Variants in GPM6B observed in about 807,000 individuals in gnomAD.
GPM6B encodes the protein neuronal membrane glycoprotein M6-b.
GPM6B carries 4 observed loss-of-function variants against 27.2 expected under a neutral mutation model. The observed-to-expected ratio is 0.15, with a 90% CI of 0.07 to 0.34. The LOEUF is 0.34. Ranked by LOEUF, GPM6B falls within the 10% of genes least tolerant of loss-of-function variation. GPM6B has a pLI of 1.00. For synonymous variants in GPM6B, 124 were observed against 103.1 expected, an observed-to-expected ratio of 1.20 and a Z score of -1.23; for missense variants, 183 against 261.9, an observed-to-expected ratio of 0.70 and a Z score of 2.08.
At chrX:13,783,033 T>G (rs1334211642) in intron 4 of GPM6B, among the ~76,000 whole-genome samples, 1 of 112,304 alleles carries the variant, frequency 8.9e-6, no homozygotes, top group Non-Finnish European at 1.9e-5. Context: ...TGATCCATAT[T>G]TAAAGACAAC....
At chrX:13,856,359 CCATT>C (rs927573761) in intron 1 of GPM6B, among the ~76,000 whole-genome samples, 14 of 111,379 alleles carry the variant, frequency 1.3e-4, no homozygotes, top group Admixed American at 1.2e-3. Flanking sequence ...CAGAGCTTTC[CCATT>C]CAAAGTGTGG....
chrX:13,920,420 C>CA (rs1010692879), intron 1 of GPM6B, among the ~76,000 whole-genome samples: 64 of 110,354 alleles, frequency 5.8e-4, no homozygotes, highest in Non-Finnish European at 9.5e-4. Flanking sequence ...ATTAGAACCA[C>CA]AGGAAAATGC....
At chrX:13,824,778 G>C (rs1032144901) in intron 1 of GPM6B, among the ~76,000 whole-genome samples, 4 of 111,935 alleles carry the variant, frequency 3.6e-5, no homozygotes, top group African/African-American at 1.3e-4. Context: ...TGGAGAGATC[G>C]GGTGATGTAT....
At chrX:13,860,210 TCA>T (rs2049827887) in intron 1 of GPM6B, among the ~76,000 whole-genome samples, 1 of 112,511 alleles carries the variant, frequency 8.9e-6, no homozygotes, top group African/African-American at 3.2e-5. Flanking sequence ...TTTTTATTCA[TCA>T]CTAACCTCTC....
intron 1 of GPM6B, among the ~76,000 whole-genome samples, chrX:13,830,185 G>A (rs2049422164): frequency 9.0e-6 from 1 of 111,619 alleles, no homozygotes; most frequent in Non-Finnish European, 1.9e-5. Context: ...TGGTGCATGG[G>A]GAGTTCAATA....
intron 1 of GPM6B, among the ~76,000 whole-genome samples, chrX:13,833,177 C>A (rs1024997634): frequency 3.6e-5 from 4 of 111,656 alleles, no homozygotes; most frequent in Non-Finnish European, 3.8e-5. Flanking sequence ...AATATCCACT[C>A]GCATTAACCC....
intron 1 of GPM6B, among the ~76,000 whole-genome samples, chrX:13,840,841 TAC>T (rs1264258184): frequency 8.9e-6 from 1 of 112,282 alleles, no homozygotes; most frequent in Non-Finnish European, 1.9e-5. Context: ...TGTAGGTATA[TAC>T]ACATTTACAT....
chrX:13,855,467 T>C (rs2049769873), intron 1 of GPM6B, among the ~76,000 whole-genome samples: 1 of 112,234 alleles, frequency 8.9e-6, no homozygotes, highest in Admixed American at 9.4e-5. Flanking sequence ...TACAGTTCAT[T>C]TACTCTCACT....
chrX:13,909,104 C>T (rs895599845), intron 1 of GPM6B, among the ~76,000 whole-genome samples: 2 of 104,551 alleles, frequency 1.9e-5, no homozygotes, highest in African/African-American at 7.0e-5. Flanking sequence ...ATCTAATCTG[C>T]CCTATTGTTC....
chrX:13,871,110 A>T (rs2049972742), intron 1 of GPM6B, among the ~76,000 whole-genome samples: 1 of 37,566 alleles, frequency 2.7e-5, no homozygotes, highest in Non-Finnish European at 7.5e-5. Context: ...AAAACAAAAC[A>T]AAACAAAAAA....
chrX:13,929,869 G>C (rs1921399383), intron 1 of GPM6B, among the ~76,000 whole-genome samples: 2 of 111,724 alleles, frequency 1.8e-5, no homozygotes, highest in East Asian at 5.6e-4. Flanking sequence ...GAAGAAAAAA[G>C]GACTTCTTTT....
chrX:13,872,644 T>C (rs1455414073), intron 1 of GPM6B, among the ~76,000 whole-genome samples: 10 of 104,260 alleles, frequency 9.6e-5, no homozygotes, highest in African/African-American at 3.5e-4. Flanking sequence ...GCGGACGAGA[T>C]GACCCAGCTG....
At chrX:13,813,170 T>C (rs187464941) in intron 1 of GPM6B, among the ~76,000 whole-genome samples, 21 of 111,622 alleles carry the variant, frequency 1.9e-4, no homozygotes, top group African/African-American at 6.8e-4. Context: ...ACGTGTGTTA[T>C]GTGTCCCTTT....
intron 1 of GPM6B, among the ~76,000 whole-genome samples, chrX:13,876,256 C>T (rs1187953878): frequency 9.0e-6 from 1 of 111,512 alleles, no homozygotes; most frequent in Non-Finnish European, 1.9e-5. Context: ...AGGCTCTGCA[C>T]AGTTTAAGAT....
chrX:13,925,608 T>TA (rs1274709665), intron 1 of GPM6B, among the ~76,000 whole-genome samples: 17 of 108,907 alleles, frequency 1.6e-4, no homozygotes, highest in Non-Finnish European at 3.0e-4. Context: ...ATTTTACCTT[T>TA]AAAAAATGCC....
At chrX:13,859,917 G>A (rs1230579727) in intron 1 of GPM6B, among the ~76,000 whole-genome samples, 1 of 111,711 alleles carries the variant, frequency 9.0e-6, no homozygotes, top group Non-Finnish European at 1.9e-5. Context: ...TAAATGAATA[G>A]GGCACCTCAC....
chrX:13,781,367 G>A (rs1289700751), intron 4 of GPM6B, among the ~76,000 whole-genome samples: 1 of 112,098 alleles, frequency 8.9e-6, no homozygotes, highest in African/African-American at 3.2e-5. Context: ...TGGGAACTGC[G>A]ACAGGCAAAT....
At chrX:13,907,513 G>A (rs987835671) in intron 1 of GPM6B, among the ~76,000 whole-genome samples, 2 of 111,239 alleles carry the variant, frequency 1.8e-5, no homozygotes, top group African/African-American at 3.3e-5. Context: ...GTGAAACCCC[G>A]TCTCTACTAA....
At chrX:13,871,511 C>T (rs2049978460) in intron 1 of GPM6B, among the ~76,000 whole-genome samples, 1 of 112,173 alleles carries the variant, frequency 8.9e-6, no homozygotes, top group Non-Finnish European at 1.9e-5. Context: ...CGCCTTTCTC[C>T]TCAAAGTGTG....
Sources: allele counts gnomAD v4.1 joint callset (sites outside exome capture counted in the v4.1 genomes callset), GRCh38; gene constraint gnomAD v4.1.1; transcripts MANE v1.5; gene names NCBI Gene and HGNC (gene_info 2026-07-23, HGNC 2026-07-21).